CFAP299: variants seen among roughly 807,000 people sequenced by gnomAD.
CFAP299 encodes cilia and flagella associated protein 299, also known as cilia- and flagella-associated protein 299.
Under a neutral mutation model 27.0 loss-of-function variants are expected in CFAP299, and 21 were observed. The observed-to-expected ratio is 0.78, with a 90% CI of 0.55 to 1.12. The LOEUF is 1.12. Ranked by LOEUF, CFAP299 falls within the 50% of genes most tolerant of loss-of-function variation. The probability of loss-of-function intolerance (pLI) is 0.00; values close to 1 mark genes in which losing one functional copy is unlikely to be tolerated. For synonymous variants in CFAP299, 104 were observed against 98.1 expected (o/e 1.06, Z -0.36); for missense variants, 310 against 276.6 (o/e 1.12, Z -0.86).
intron 3 of CFAP299, among the ~76,000 whole-genome samples, chr4:80,841,016 A>G (rs1730833715): frequency 6.6e-6 from 1 of 152,144 alleles, no homozygotes; most frequent in Non-Finnish European, 1.5e-5. Flanking sequence ...ACTGCCACTC[A>G]GGACAACTAA....
chr4:80,623,172 G>T (rs1054810626), intron 3 of CFAP299, among the ~76,000 whole-genome samples: 2 of 152,042 alleles, frequency 1.3e-5, no homozygotes, highest in Admixed American at 6.6e-5. Flanking sequence ...AATATTGGCA[G>T]GAGAGAGAAA....
intron 3 of CFAP299, among the ~76,000 whole-genome samples, chr4:80,860,923 C>A (rs948702771): frequency 5.9e-5 from 9 of 152,174 alleles, no homozygotes; most frequent in African/African-American, 1.9e-4. Flanking sequence ...GCTGGGAGAA[C>A]CACTGCTCTC....
chr4:80,771,039 C>A (rs1221239492), intron 3 of CFAP299, among the ~76,000 whole-genome samples: 1 of 152,070 alleles, frequency 6.6e-6, no homozygotes, highest in Admixed American at 6.6e-5. Context: ...CATATCCCAT[C>A]GTATTCTCAG....
At chr4:80,464,522 A>C (rs183191126) in intron 2 of CFAP299, among the ~76,000 whole-genome samples, 2 of 152,360 alleles carry the variant, frequency 1.3e-5, no homozygotes, top group Non-Finnish European at 1.5e-5. Flanking sequence ...CCAGGATTCC[A>C]AACTTCAAAG....
chr4:80,438,999 C>A (rs1365006629), intron 2 of CFAP299, among the ~76,000 whole-genome samples: 1 of 151,732 alleles, frequency 6.6e-6, no homozygotes, highest in Non-Finnish European at 1.5e-5. Context: ...AAAAAGCTAT[C>A]TATTTTTGTA....
intron 3 of CFAP299, among the ~76,000 whole-genome samples, chr4:80,596,227 C>T (rs1033392907): frequency 7.9e-5 from 12 of 152,118 alleles, no homozygotes; most frequent in African/African-American, 2.4e-4. Context: ...TGTCTCATTA[C>T]GGGAATCCTC....
chr4:80,485,564 T>G (rs1453424114), intron 2 of CFAP299, among the ~76,000 whole-genome samples: 1 of 152,124 alleles, frequency 6.6e-6, no homozygotes, highest in Non-Finnish European at 1.5e-5. Context: ...ACTAATGGGA[T>G]CTTACCAATT....
chr4:80,577,339 A>G (rs1005407527), intron 2 of CFAP299, among the ~76,000 whole-genome samples: 2 of 152,046 alleles, frequency 1.3e-5, no homozygotes, highest in Non-Finnish European at 2.9e-5. Flanking sequence ...TTGCTGTTAG[A>G]ATACATTTAA....
At chr4:80,863,603 T>C (rs1327090525) in intron 3 of CFAP299, among the ~76,000 whole-genome samples, 1 of 152,166 alleles carries the variant, frequency 6.6e-6, no homozygotes, top group African/African-American at 2.4e-5. Flanking sequence ...TTGATATTTC[T>C]TCATTGCTTG....
rs1405986645 is a variant in CFAP299 at position 80,780,703 on chromosome 4, T to G, written c.334-89290T>G. Among the ~76,000 whole-genome samples, 4 of 152,004 alleles carry G rather than the reference T, an allele frequency of 2.6e-5. No homozygotes were observed. In the East Asian group the frequency reaches 7.7e-4, roughly 29 times the overall value. ...ATACATAGGACTATTGCTAATGACA[T>G]GCAAATAGAAATTATATATATATAT... On this transcript the variant is annotated intron_variant, in intron 3 of 5. Coordinates refer to ENST00000358105, the MANE Select transcript of CFAP299 (RefSeq NM_152770.3).
intron 2 of CFAP299, among the ~76,000 whole-genome samples, chr4:80,485,165 A>G (rs1730744554): frequency 6.6e-6 from 1 of 151,858 alleles, no homozygotes. Flanking sequence ...TATTTTTACT[A>G]AGAAGTTGAA....
intron 2 of CFAP299, among the ~76,000 whole-genome samples, chr4:80,485,234 T>TA (rs1416751506): frequency 6.7e-6 from 1 of 149,866 alleles, no homozygotes; most frequent in Non-Finnish European, 1.5e-5. Context: ...CATGTATATA[T>TA]ACATATATGT....
rs1035131048 is a variant in CFAP299 at position 80,574,140 on chromosome 4, A to G, written c.243-8953A>G. 4.6e-5 allele frequency among the ~76,000 whole-genome samples: 7 copies of G among 151,838 alleles called. No homozygotes were observed. In the East Asian group the frequency reaches 1.3e-3, roughly 29 times the overall value. ...GTGTCCCCTTCCATTTCTTTTATCA[A>G]TATTTTATAGTTTTTATTGTAGAGA... On this transcript the variant is annotated intron_variant, in intron 2 of 5. Transcript: ENST00000358105.
At chr4:80,407,650 C>A (rs552696723) in intron 2 of CFAP299, among the ~76,000 whole-genome samples, 1 of 152,242 alleles carries the variant, frequency 6.6e-6, no homozygotes, top group South Asian at 2.1e-4. Context: ...AAATAGATTC[C>A]ACTTCTTTAT....
chr4:80,888,890 A>C (rs1160969350), intron 4 of CFAP299, among the ~76,000 whole-genome samples: 1 of 151,706 alleles, frequency 6.6e-6, no homozygotes, highest in Non-Finnish European at 1.5e-5. Flanking sequence ...CAGTGAAATA[A>C]TTAAGAAGGA....
intron 3 of CFAP299, among the ~76,000 whole-genome samples, chr4:80,858,015 C>T (rs1395899394): frequency 7.2e-5 from 11 of 152,022 alleles, no homozygotes; most frequent in Non-Finnish European, 1.2e-4. Flanking sequence ...TGGTAGAATT[C>T]GGCTGTGAAT....
At chr4:80,423,687 G>A (rs1399005676) in intron 2 of CFAP299, among the ~76,000 whole-genome samples, 2 of 152,204 alleles carry the variant, frequency 1.3e-5, no homozygotes, top group Admixed American at 1.3e-4. Flanking sequence ...GCAGTCTGGC[G>A]AGCAGATCTC....
chr4:80,641,405 A>C (rs967973763), intron 3 of CFAP299, among the ~76,000 whole-genome samples: 1 of 151,932 alleles, frequency 6.6e-6, no homozygotes, highest in Non-Finnish European at 1.5e-5. Context: ...GGGTTTCACT[A>C]TGTTGGCCAG....
At chr4:80,389,560 AT>A (rs1220754624) in intron 2 of CFAP299, among the ~76,000 whole-genome samples, 1 of 152,274 alleles carries the variant, frequency 6.6e-6, no homozygotes, top group East Asian at 1.9e-4. Flanking sequence ...AATTGAATAT[AT>A]TTTGTTTTAG....
Sources: gnomAD v4.1 joint callset for allele counts (sites outside exome capture counted in the v4.1 genomes callset) on GRCh38, gnomAD v4.1.1 for gene constraint, MANE v1.5 for transcripts, NCBI Gene and HGNC (gene_info 2026-07-23, HGNC 2026-07-21) for gene names.